The following FAM76A variants were observed in gnomAD, a reference collection of about 807,000 sequenced individuals.
FAM76A encodes the protein family with sequence similarity 76 member A, also known as protein FAM76A.
Under a neutral mutation model 46.2 loss-of-function variants are expected in FAM76A, and 32 were observed. The ratio of observed to expected loss-of-function variants is 0.69; its 90% confidence interval spans 0.52 to 0.93. The LOEUF is 0.93. Among genes scored for constraint, FAM76A ranks in the 40% least tolerant of loss-of-function variants. FAM76A has a pLI of 0.00. For synonymous variants in FAM76A, 137 were observed against 127.0 expected (o/e 1.08, Z -0.53); for missense variants, 274 against 361.5 (o/e 0.76, Z 1.96).
chr1:27,747,287 G>T (rs938150955), intron 5 of FAM76A, among the ~76,000 whole-genome samples: 1 of 152,138 alleles, frequency 6.6e-6, no homozygotes, highest in Non-Finnish European at 1.5e-5. Context: ...TCAGATTCAG[G>T]GCTGAGAATG....
Position 27,734,038 on chromosome 1 carries a change from C to T in FAM76A, c.209C>T (p.Pro70Leu). The T allele has an allele frequency of 6.2e-7, 1 of 1,605,638 alleles. No homozygotes were observed. Among genetic ancestry groups the T allele is most frequent in the Non-Finnish European group, 8.5e-7 (1 of 1,178,204 alleles). The change falls in exon 4 of 9, where the codon CCT becomes CTT. Residue 70 changes from proline to leucine, a missense_variant. By Grantham distance (98) the Pro-to-Leu change is moderately conservative. Coordinates refer to ENST00000373954, the MANE Select transcript of FAM76A (RefSeq NM_152660.3). The part of the protein sequence containing the change: ...QNVQLYGTPK[P>L]CQYCNIIAAF... Reference sequence around the variant, plus strand: ...CTTTTTTCCCCTTTTAAGCCCAAACCTTGTCAGTATTGCAACATAATTGCA... The same window carrying T: ...CTTTTTTCCCCTTTTAAGCCCAAACTTTGTCAGTATTGCAACATAATTGCA...
At chr1:27,736,597 TA>T (rs2088049393) in intron 4 of FAM76A, among the ~76,000 whole-genome samples, 2 of 152,080 alleles carry the variant, frequency 1.3e-5, no homozygotes, top group South Asian at 4.1e-4. Context: ...TATTTTATTT[TA>T]TTTTTTTGAG....
chr1:27,738,241 C>A (rs931497476), intron 4 of FAM76A, among the ~76,000 whole-genome samples: 23 of 152,004 alleles, frequency 1.5e-4, no homozygotes, highest in Non-Finnish European at 2.5e-4. Context: ...CCTGTAATCC[C>A]AGCACTTTAG....
chr1:27,744,748 C>G lies in FAM76A; in HGVS notation c.449C>G (p.Ser150Cys). 6.2e-7 allele frequency: 1 copy of G among 1,614,172 alleles called. No homozygotes were observed. Among genetic ancestry groups the G allele is most frequent in the South Asian group, 1.1e-5 (1 of 91,078 alleles). ...KEQRKHLSSS[S>C]RAGHQEKEQY... is the part of the protein sequence containing the mutation. The stretch of plus-strand genomic sequence containing the variant: ...CAGAGGAAACACCTGAGTAGCTCTT[C>G]TCGTGCTGGCCACCAGGAGAAGGAG... The change falls in exon 5 of 9, where the codon TCT (serine) becomes TGT (cysteine). Residue 150 changes from serine (S) to cysteine (C), a missense_variant. Physicochemically the swap from Ser to Cys is moderately radical, Grantham distance 112. Coordinates refer to ENST00000373954, the MANE Select transcript of FAM76A (RefSeq NM_152660.3).
In FAM76A at chr1:27,734,028, A is replaced by G. The variant is rs2088002861; in HGVS notation, c.202-3A>G. 1 of 1,599,180 alleles carries G rather than the reference A, an allele frequency of 6.3e-7. No homozygotes were observed. Among genetic ancestry groups the G allele is most frequent in the Non-Finnish European group, 8.5e-7 (1 of 1,176,788 alleles). ...TTACTTGACTCTTTTTTCCCCTTTT[A>G]AGCCCAAACCTTGTCAGTATTGCAA... On this transcript the variant is annotated splice_polypyrimidine_tract_variant and splice_region_variant and intron_variant, in intron 3 of 8. Transcript: ENST00000373954.
rs772177354 is a variant in FAM76A at position 27,760,692 on chromosome 1, A to G, written c.*111A>G. On this transcript the variant is annotated 3_prime_UTR_variant, in exon 9 of 9. Coordinates refer to ENST00000373954, the MANE Select transcript of FAM76A (RefSeq NM_152660.3). ...AGCTTTCTTAAGAAATCTCTATTTT[A>G]TTACAGTTATCCTTCTTTGTGCGAT... 12 of 679,910 alleles carry G rather than the reference A, an allele frequency of 1.8e-5. No homozygotes were observed. Among genetic ancestry groups the G allele is most frequent in the Non-Finnish European group, 2.7e-5 (11 of 413,486 alleles). 42.1% of individuals were successfully genotyped at this position (679,910 alleles called of 1,614,324 possible).
intron 4 of FAM76A, among the ~76,000 whole-genome samples, chr1:27,738,928 G>A (rs772081322): frequency 2.0e-5 from 3 of 152,188 alleles, no homozygotes; most frequent in East Asian, 1.9e-4. Context: ...AGGACCAGCT[G>A]TGGAAAATCC....
At chr1:27,732,255 C>G (rs1364166505) in intron 2 of FAM76A, among the ~76,000 whole-genome samples, 3 of 152,124 alleles carry the variant, frequency 2.0e-5, no homozygotes, top group Non-Finnish European at 4.4e-5. Context: ...CATGGCGAAA[C>G]CTTGTCTCTA....
chr1:27,728,346 C>T (rs899101183), intron 2 of FAM76A, among the ~76,000 whole-genome samples: 4 of 151,876 alleles, frequency 2.6e-5, no homozygotes, highest in Non-Finnish European at 5.9e-5. Context: ...TTACACTTTC[C>T]TTGGGCAAAT....
intron 7 of FAM76A, among the ~76,000 whole-genome samples, chr1:27,758,540 T>C (rs1208295860): frequency 1.3e-5 from 2 of 152,152 alleles, no homozygotes; most frequent in East Asian, 3.8e-4. Context: ...CTTGCTCTGT[T>C]GCCCAGGCTG....
At chr1:27,754,602 A>G (rs1433278220) in intron 6 of FAM76A, among the ~76,000 whole-genome samples, 1 of 152,202 alleles carries the variant, frequency 6.6e-6, no homozygotes, top group Non-Finnish European at 1.5e-5. Context: ...GGAAATGACA[A>G]TCTGCAGGCC....
At position 27,732,656 on chromosome 1, in the gene FAM76A, C is replaced by T. The variant is rs372057966; in HGVS notation, c.200C>T (p.Thr67Met). The stretch of plus-strand genomic sequence containing the variant: ...GCTCAGAACGTGCAGTTGTATGGAA[C>T]GGTAAGTAGGATATTTTCAAACCTA... The part of the protein sequence containing the change: ...KCAQNVQLYG[T>M]PKPCQYCNII... Residue 67 changes from threonine to methionine, a missense_variant and splice_region_variant, in exon 3 of 9, where the codon ACG becomes ATG. Transcript: ENST00000373954. The T allele has an allele frequency of 1.7e-5, 28 of 1,604,856 alleles. No homozygotes were observed. The Admixed American group carries it at 2.5e-4, about 14-fold the overall frequency.
intron 5 of FAM76A, among the ~76,000 whole-genome samples, chr1:27,747,031 ATGCCAT>A (rs2088252454): frequency 6.6e-6 from 1 of 152,102 alleles, no homozygotes. Flanking sequence ...AGCCATGATT[ATGCCAT>A]TGCTCTCCAG....
chr1:27,755,373 G>A, intron 7 of FAM76A, 43 bp downstream of exon 7: 1 of 1,608,314 alleles, frequency 6.2e-7, no homozygotes, highest in Non-Finnish European at 8.5e-7. Flanking sequence ...TGATGCGAGG[G>A]TGAGATATGT....
rs1193582461 is a variant in FAM76A at position 27,746,998 on chromosome 1, C to G, written c.513-2070C>G. 4.6e-5 allele frequency among the ~76,000 whole-genome samples: 7 copies of G among 152,192 alleles called. No individual in the cohort carries two copies. In the East Asian group the frequency reaches 1.3e-3, roughly 29 times the overall value. ...CTGAGATAGGAGGATCGCTTTAAGCCTTGGAGTTTGAGGCTTGCTGTGAGC... is the reference window on the plus strand; with the variant it reads ...CTGAGATAGGAGGATCGCTTTAAGCGTTGGAGTTTGAGGCTTGCTGTGAGC... On this transcript the variant is annotated intron_variant, in intron 5 of 8. Coordinates refer to ENST00000373954, the MANE Select transcript of FAM76A (RefSeq NM_152660.3).
At chr1:27,743,645 G>C (rs1463280517) in intron 4 of FAM76A, among the ~76,000 whole-genome samples, 1 of 152,102 alleles carries the variant, frequency 6.6e-6, no homozygotes, top group East Asian at 1.9e-4. Flanking sequence ...CACACCTGTA[G>C]TTCCAGCTAT....
At position 27,755,349 on chromosome 1, in the gene FAM76A, C is replaced by G. The variant is rs775190998; in HGVS notation, c.735+19C>G. On this transcript the variant is annotated intron_variant, in intron 7 of 8. Transcript: ENST00000373954. Reference sequence around the variant, plus strand: ...GAAGAAGGTATGGTTTAGTTAATTCCTCTCTGACCAGAATGATGCGAGGGT... The same window carrying G: ...GAAGAAGGTATGGTTTAGTTAATTCGTCTCTGACCAGAATGATGCGAGGGT... 1.2e-6 allele frequency: 2 copies of G among 1,613,544 alleles called. No homozygotes were observed. Among genetic ancestry groups the G allele is most frequent in the East Asian group, 4.5e-5 (2 of 44,858 alleles).
rs1474796343 is a variant in FAM76A, at chr1:27,740,927, G to GAGACC, written c.355-3724_355-3720dup. 2.6e-5 allele frequency among the ~76,000 whole-genome samples: 4 copies of GAGACC among 151,928 alleles called. No homozygotes were observed. In the East Asian group the frequency reaches 7.7e-4, roughly 29 times the overall value. On this transcript the variant is annotated intron_variant, in intron 4 of 8. Coordinates refer to ENST00000373954, the MANE Select transcript of FAM76A (RefSeq NM_152660.3). The stretch of plus-strand genomic sequence containing the variant: ...GAGGATCACCTGAGGTCAGGAGCTC[G>GAGACC]AGACCAGCCTCAACATGGAGAAACC...
At chr1:27,754,774 A>G (rs1369339187) in intron 6 of FAM76A, among the ~76,000 whole-genome samples, 1 of 152,202 alleles carries the variant, frequency 6.6e-6, no homozygotes, top group African/African-American at 2.4e-5. Context: ...GCTCTGAGGG[A>G]AGCATTAAAG....
Sources: gnomAD v4.1 joint callset for allele counts (sites outside exome capture counted in the v4.1 genomes callset) on GRCh38, gnomAD v4.1.1 for gene constraint, MANE v1.5 for transcripts, NCBI Gene and HGNC (gene_info 2026-07-23, HGNC 2026-07-21) for gene names.